The following CLMP variants were observed in gnomAD, a reference collection of about 807,000 sequenced individuals.
CLMP encodes CXADR-like membrane protein.
In CLMP, 27 loss-of-function variants were observed where a neutral mutation model predicts 45.2. That is an observed-to-expected ratio of 0.60 (90% CI 0.44 to 0.82). The LOEUF is 0.82. CLMP is among the 40% of genes least tolerant of loss of function. The pLI, the probability that CLMP is intolerant of heterozygous loss-of-function variation, is 0.00. For synonymous variants in CLMP, 167 were observed against 171.4 expected, an observed-to-expected ratio of 0.97 and a Z score of 0.20; for missense variants, 403 against 448.4, an observed-to-expected ratio of 0.90 and a Z score of 0.91.
chr11:123,124,329 G>C (rs1295670968), intron 1 of CLMP, among the ~76,000 whole-genome samples: 1 of 152,072 alleles, frequency 6.6e-6, no homozygotes, highest in African/African-American at 2.4e-5. Context: ...GGTTTTCCCA[G>C]TTGATTGGTT....
At chr11:123,106,316 A>G (rs895948617) in intron 1 of CLMP, among the ~76,000 whole-genome samples, 1 of 150,166 alleles carries the variant, frequency 6.7e-6, no homozygotes, top group Non-Finnish European at 1.5e-5. Flanking sequence ...GTGCTTTTCA[A>G]TGAACCTTCA....
chr11:123,083,541 A>G (rs539228946), intron 4 of CLMP, 139 bp downstream of exon 4: 7 of 826,638 alleles, frequency 8.5e-6, no homozygotes, highest in Middle Eastern at 3.3e-4. Context: ...GTTCTAGTTA[A>G]TGGATTTTAA....
At chr11:123,128,707 AG>A (rs1860938071) in intron 1 of CLMP, among the ~76,000 whole-genome samples, 1 of 152,184 alleles carries the variant, frequency 6.6e-6, no homozygotes, top group Non-Finnish European at 1.5e-5. Flanking sequence ...AATAATTAAA[AG>A]TTTAATCATC....
At chr11:123,139,620 T>A (rs1470699591) in intron 1 of CLMP, among the ~76,000 whole-genome samples, 8 of 151,784 alleles carry the variant, frequency 5.3e-5, no homozygotes, top group Non-Finnish European at 7.4e-5. Context: ...AGGTCAGGAG[T>A]TAGAGACCAG....
chr11:123,163,930 A>G (rs1321154884), intron 1 of CLMP, among the ~76,000 whole-genome samples: 4 of 152,216 alleles, frequency 2.6e-5, no homozygotes, highest in Non-Finnish European at 5.9e-5. Context: ...CACATCGTCT[A>G]CAGGTTCCCT....
chr11:123,150,209 C>T (rs1478860620), intron 1 of CLMP, among the ~76,000 whole-genome samples: 1 of 148,248 alleles, frequency 6.7e-6, no homozygotes, highest in Non-Finnish European at 1.5e-5. Flanking sequence ...TAAACACACA[C>T]ACACACACAC....
chr11:123,141,212 T>G (rs576835747), intron 1 of CLMP, among the ~76,000 whole-genome samples: 125 of 107,824 alleles, frequency 1.2e-3, no homozygotes, highest in African/African-American at 4.9e-3. Flanking sequence ...TGAGACGAAG[T>G]CTCACTTTGT....
intron 1 of CLMP, among the ~76,000 whole-genome samples, chr11:123,122,628 T>G (rs569748425): frequency 4.6e-5 from 7 of 152,292 alleles, no homozygotes; most frequent in African/African-American, 1.4e-4. Context: ...ATAGGCTCTC[T>G]CTTATCCCGA....
At chr11:123,179,695 C>T (rs536651083) in intron 1 of CLMP, among the ~76,000 whole-genome samples, 9 of 152,314 alleles carry the variant, frequency 5.9e-5, no homozygotes, top group African/African-American at 2.2e-4. Flanking sequence ...TCCTGGGCCC[C>T]CTTTGCAATT....
chr11:123,149,866 T>C (rs11219026), intron 1 of CLMP, among the ~76,000 whole-genome samples: 21,016 of 151,304 alleles, frequency 0.14, 1,666 homozygotes, highest in South Asian at 0.25. Context: ...GGCTGCAGTT[T>C]AGTGGTGCAA....
chr11:123,097,941 C>T lies in CLMP; in HGVS notation c.40G>A (p.Val14Ile), dbSNP rs1866009933. 5 of 1,556,436 alleles carry T rather than the reference C, an allele frequency of 3.2e-6. No homozygotes were observed. Among genetic ancestry groups the T allele is most frequent in the Non-Finnish European group, 4.3e-6 (5 of 1,149,732 alleles). Reference protein sequence around the residue: ...LLLLLLVSYYVGTLGTHTEIK... With the variant: ...LLLLLLVSYYIGTLGTHTEIK... Reference sequence around the variant, plus strand: ...TCAGTGTGAGTCCCCAAGGTTCCAACATAGTAGGAAACTGGAAGAGGAAAA... The same window carrying T: ...TCAGTGTGAGTCCCCAAGGTTCCAATATAGTAGGAAACTGGAAGAGGAAAA... Residue 14 changes from valine (V) to isoleucine (I), a missense_variant, in exon 2 of 7, where the codon GTT (valine) becomes ATT (isoleucine). Coordinates refer to ENST00000448775, the MANE Select transcript of CLMP (RefSeq NM_024769.5).
At chr11:123,137,818 G>A (rs890837689) in intron 1 of CLMP, among the ~76,000 whole-genome samples, 1 of 152,174 alleles carries the variant, frequency 6.6e-6, no homozygotes, top group African/African-American at 2.4e-5. Context: ...GAAACCACAT[G>A]TGCTGGAGGT....
intron 1 of CLMP, among the ~76,000 whole-genome samples, chr11:123,182,152 G>A (rs1944605): frequency 0.12 from 17,877 of 152,190 alleles, 2,332 homozygotes; most frequent in African/African-American, 0.33. Flanking sequence ...GACTTTTACA[G>A]TGACTTTGAC....
At chr11:123,102,184 T>TA (rs796351533) in intron 1 of CLMP, among the ~76,000 whole-genome samples, 2,729 of 139,898 alleles carry the variant, frequency 0.02, 73 homozygotes, top group African/African-American at 0.064. Flanking sequence ...ACCCTGTCTC[T>TA]AAAAAAAAAA....
At chr11:123,141,254 G>A (rs1259501630) in intron 1 of CLMP, among the ~76,000 whole-genome samples, 2 of 45,728 alleles carry the variant, frequency 4.4e-5, no homozygotes, top group Admixed American at 2.6e-4. Context: ...ATACGATCTC[G>A]GCTCACTGCA....
rs530862104 is a variant in CLMP, at chr11:123,118,155, A to G, written c.29-20203T>C. Among the ~76,000 whole-genome samples the G allele has an allele frequency of 2.6e-5, 4 of 152,120 alleles. No individual in the cohort carries two copies. In the East Asian group the frequency reaches 7.7e-4, roughly 29 times the overall value. The stretch of plus-strand genomic sequence containing the variant: ...ACTTTTTTTTCTTTTTTTGAGATGG[A>G]GTCTCTCTCTGTTGCCCAGGCTGGA... On this transcript the variant is annotated intron_variant, in intron 1 of 6. Coordinates refer to ENST00000448775, the MANE Select transcript of CLMP (RefSeq NM_024769.5).
intron 1 of CLMP, among the ~76,000 whole-genome samples, chr11:123,139,200 G>A (rs1284739351): frequency 6.6e-6 from 1 of 151,806 alleles, no homozygotes; most frequent in Non-Finnish European, 1.5e-5. Flanking sequence ...TTGCAGAAAA[G>A]CTTTACAAAC....
chr11:123,107,233 T>A (rs1194512640), intron 1 of CLMP, among the ~76,000 whole-genome samples: 2 of 142,660 alleles, frequency 1.4e-5, no homozygotes, highest in African/African-American at 2.6e-5. Flanking sequence ...GCTAATGAAA[T>A]TTTTTTTTTT....
intron 1 of CLMP, among the ~76,000 whole-genome samples, chr11:123,108,830 G>A (rs1448422890): frequency 6.6e-6 from 1 of 152,032 alleles, no homozygotes; most frequent in Non-Finnish European, 1.5e-5. Context: ...GAGGCGGGCG[G>A]ATCACCTGAG....
Sources: allele counts gnomAD v4.1 joint callset (sites outside exome capture counted in the v4.1 genomes callset), GRCh38; gene constraint gnomAD v4.1.1; transcripts MANE v1.5; gene names NCBI Gene and HGNC (gene_info 2026-07-23, HGNC 2026-07-21).